Variants in NXPE2 observed in about 807,000 individuals in gnomAD.
The protein encoded by NXPE2 is NXPE family member 2.
Under a neutral mutation model 34.4 loss-of-function variants are expected in NXPE2, and 34 were observed. The ratio of observed to expected loss-of-function variants is 0.99; its 90% CI spans 0.75 to 1.31. The LOEUF is 1.31. NXPE2 is among the 40% of genes most tolerant of loss of function. NXPE2 has a pLI of 0.00. For missense variants in NXPE2, 649 were observed against 672.5 expected, an observed-to-expected ratio of 0.97 and a Z score of 0.39; for synonymous variants, 235 against 231.3, an observed-to-expected ratio of 1.02 and a Z score of -0.15.
At chr11:114,590,445 G>A in the NXPE2 span, among the ~76,000 whole-genome samples, 1 of 152,126 alleles carries the variant, frequency 6.6e-6, no homozygotes, top group Non-Finnish European at 1.5e-5. Flanking sequence ...GGATTTTGCA[G>A]GCTATGGATA....
chr11:114,623,918 C>T, the NXPE2 span, among the ~76,000 whole-genome samples: 35 of 152,040 alleles, frequency 2.3e-4, no homozygotes, highest in African/African-American at 8.0e-4. Context: ...CATTGCTACC[C>T]AGTGGATAAT....
chr11:114,619,937 C>G, the NXPE2 span, among the ~76,000 whole-genome samples: 1 of 151,906 alleles, frequency 6.6e-6, no homozygotes, highest in Non-Finnish European at 1.5e-5. Flanking sequence ...ACCACTGTTA[C>G]CCGGTGGATA....
chr11:114,614,122 T>C, the NXPE2 span, among the ~76,000 whole-genome samples: 2 of 151,816 alleles, frequency 1.3e-5, no homozygotes, highest in Non-Finnish European at 2.9e-5. Flanking sequence ...GGGTAACCAG[T>C]GTTACCTGCT....
At chr11:114,638,586 C>G in the NXPE2 span, among the ~76,000 whole-genome samples, 2 of 151,950 alleles carry the variant, frequency 1.3e-5, no homozygotes, top group Non-Finnish European at 2.9e-5. Flanking sequence ...TTTTCCCCAT[C>G]TTTGTGGTTT....
the NXPE2 span, among the ~76,000 whole-genome samples, chr11:114,751,703 T>C: frequency 9.9e-5 from 15 of 152,170 alleles, no homozygotes; most frequent in Non-Finnish European, 7.3e-5. Flanking sequence ...TCCTAATCCC[T>C]GGAACCTGCA....
the NXPE2 span, among the ~76,000 whole-genome samples, chr11:114,490,357 A>C: frequency 6.6e-6 from 1 of 150,802 alleles, no homozygotes; most frequent in African/African-American, 2.4e-5. Flanking sequence ...AAAAAACTAA[A>C]GTTCATATGG....
the NXPE2 span, among the ~76,000 whole-genome samples, chr11:114,808,163 A>G: frequency 5.9e-5 from 9 of 152,344 alleles, no homozygotes; most frequent in South Asian, 2.1e-4. Flanking sequence ...AAGACACAAC[A>G]TACCAGAATC....
chr11:114,633,001 TAATA>T, the NXPE2 span, among the ~76,000 whole-genome samples: 1 of 106,186 alleles, frequency 9.4e-6, no homozygotes, highest in East Asian at 2.5e-4. Context: ...TAATATATAA[TAATA>T]TATATTATAT....
the NXPE2 span, among the ~76,000 whole-genome samples, chr11:114,755,099 G>C: frequency 6.6e-6 from 1 of 152,110 alleles, no homozygotes; most frequent in East Asian, 1.9e-4. Flanking sequence ...GAAAATGCAA[G>C]GACAATTGGT....
chr11:114,613,077 C>T, the NXPE2 span, among the ~76,000 whole-genome samples: 65 of 151,690 alleles, frequency 4.3e-4, 1 homozygote, highest in African/African-American at 5.1e-4. Flanking sequence ...CACTGTTACC[C>T]GGTGGATAAT....
the NXPE2 span, among the ~76,000 whole-genome samples, chr11:114,755,260 G>A: frequency 2.4e-3 from 357 of 151,912 alleles, 2 homozygotes; most frequent in African/African-American, 8.3e-3. Flanking sequence ...TAGGCTGTGT[G>A]GGGGATGTAC....
At chr11:114,719,937 G>A in the NXPE2 span, among the ~76,000 whole-genome samples, 1 of 152,192 alleles carries the variant, frequency 6.6e-6, no homozygotes, top group African/African-American at 2.4e-5. Context: ...TTCAAACCCA[G>A]CTCAAGTGCC....
the NXPE2 span, among the ~76,000 whole-genome samples, chr11:114,581,993 A>T: frequency 6.6e-6 from 1 of 152,234 alleles, no homozygotes; most frequent in South Asian, 2.1e-4. Context: ...GAATTTGTTG[A>T]GTTGCAGAAA....
At chr11:114,530,774 C>A in the NXPE2 span, 12 of 1,614,174 alleles carry the variant, frequency 7.4e-6, no homozygotes, top group African/African-American at 1.3e-4. Flanking sequence ...GATCTAGTTT[C>A]TCTATGATTT....
chr11:114,564,677 T>C, the NXPE2 span, among the ~76,000 whole-genome samples: 1 of 152,088 alleles, frequency 6.6e-6, no homozygotes, highest in Non-Finnish European at 1.5e-5. Flanking sequence ...GAAGGGTGAC[T>C]GAAATCTCAT....
the NXPE2 span, among the ~76,000 whole-genome samples, chr11:114,631,411 A>G: frequency 6.6e-6 from 1 of 151,320 alleles, no homozygotes; most frequent in Non-Finnish European, 1.5e-5. Context: ...TTCTCAGTAA[A>G]CTATCGCAAG....
chr11:114,490,242 G>A, the NXPE2 span, among the ~76,000 whole-genome samples: 1 of 152,166 alleles, frequency 6.6e-6, no homozygotes, highest in South Asian at 2.1e-4. Context: ...CCATGCTCAT[G>A]GGTAGGAAGA....
intron 3 of NXPE2, among the ~76,000 whole-genome samples, chr11:114,702,194 T>C (rs1304199607): frequency 6.6e-6 from 1 of 152,256 alleles, no homozygotes; most frequent in African/African-American, 2.4e-5. Context: ...TTCACTATTC[T>C]GTTAGTTTCT....
the NXPE2 span, among the ~76,000 whole-genome samples, chr11:114,725,976 A>AAAAAT: frequency 0.012 from 1,212 of 101,778 alleles, 43 homozygotes; most frequent in Non-Finnish European, 0.017. Context: ...ATAAAAAAAA[A>AAAAAT]ATATATATAT....
Sources: allele counts gnomAD v4.1 joint callset (sites outside exome capture counted in the v4.1 genomes callset), GRCh38; gene constraint gnomAD v4.1.1; transcripts MANE v1.5; gene names NCBI Gene and HGNC (gene_info 2026-07-23, HGNC 2026-07-21).